PLBD1: variants seen among roughly 807,000 people sequenced by gnomAD.
PLBD1 encodes phospholipase B domain containing 1.
In PLBD1, 60 loss-of-function variants were observed where a neutral mutation model predicts 63.0. The observed-to-expected ratio is 0.95, with a 90% CI of 0.77 to 1.18. The LOEUF is 1.18. Among genes scored for constraint, PLBD1 ranks in the 50% most tolerant of loss-of-function variants. The probability of loss-of-function intolerance (pLI) is 0.00; values close to 1 mark genes in which losing one functional copy is unlikely to be tolerated. For synonymous variants in PLBD1, 262 were observed against 248.0 expected (o/e 1.06, Z -0.53); for missense variants, 598 against 677.9 (o/e 0.88, Z 1.31).
rs1284424775 is a variant in PLBD1, at chr12:14,536,686, A to G, written c.583T>C (p.Phe195Leu). The change falls in exon 5 of 11, where the codon TTC (phenylalanine) becomes CTC (leucine). Residue 195 changes from phenylalanine (F) to leucine (L), a missense_variant. Coordinates refer to ENST00000240617, the MANE Select transcript of PLBD1 (RefSeq NM_024829.6). Reference protein sequence around the residue: ...TKPMTLFQIQFLNSVGDLLDL... With the variant: ...TKPMTLFQIQLLNSVGDLLDL... ...AATAGATCTCCAACACTATTCAGGAACTGAATCTGGAACAGGGTCATTGGC... is the reference window on the plus strand; with the variant it reads ...AATAGATCTCCAACACTATTCAGGAGCTGAATCTGGAACAGGGTCATTGGC... 2.5e-6 allele frequency: 4 copies of G among 1,614,142 alleles called. No individual in the cohort carries two copies. In the South Asian group the frequency reaches 4.4e-5, roughly 18 times the overall value.
intron 3 of PLBD1, 27 bp downstream of exon 3, chr12:14,542,181 T>C (rs1422253615): frequency 1.1e-5 from 17 of 1,547,898 alleles, no homozygotes; most frequent in Admixed American, 1.7e-5. Flanking sequence ...TTTAAAACAA[T>C]GAAAAGAGAA....
intron 2 of PLBD1, among the ~76,000 whole-genome samples, chr12:14,551,568 T>G (rs1945659974): frequency 6.6e-6 from 1 of 152,140 alleles, no homozygotes; most frequent in Non-Finnish European, 1.5e-5. Flanking sequence ...TTCTGAGACA[T>G]AAGAATATCA....
intron 2 of PLBD1, among the ~76,000 whole-genome samples, chr12:14,552,358 G>A (rs1214868019): frequency 2.6e-5 from 4 of 152,182 alleles, no homozygotes; most frequent in Non-Finnish European, 4.4e-5. Context: ...ATAAGGCAAG[G>A]CAAGGACACT....
At chr12:14,511,171 CCA>C in intron 8 of PLBD1, 87 bp downstream of exon 8, 1 of 1,192,944 alleles carries the variant, frequency 8.4e-7, no homozygotes, top group Non-Finnish European at 1.2e-6. Context: ...CCCTCCCCCA[CCA>C]CACATTCACA....
intron 5 of PLBD1, chr12:14,536,224 G>A: frequency 4.6e-5 from 11 of 237,272 alleles, no homozygotes; most frequent in East Asian, 1.1e-4. Flanking sequence ...GCTTGAACCT[G>A]GGAGGCAGAG....
chr12:14,539,678 C>A (rs1318804696), intron 4 of PLBD1, among the ~76,000 whole-genome samples: 1 of 150,628 alleles, frequency 6.6e-6, no homozygotes, highest in Non-Finnish European at 1.5e-5. Flanking sequence ...CCCAGCTACT[C>A]GGGAGGATGA....
At position 14,561,618 on chromosome 12, in the gene PLBD1, G is replaced by A. The variant is rs190032923; in HGVS notation, c.115+5964C>T. ...TGCCAAGGCTGGAATGCAATGGCACGGTCTCGGCTCACCGCAACCTCCGCA... is the reference window on the plus strand; with the variant it reads ...TGCCAAGGCTGGAATGCAATGGCACAGTCTCGGCTCACCGCAACCTCCGCA... On this transcript the variant is annotated intron_variant, in intron 1 of 10. Coordinates refer to ENST00000240617, the MANE Select transcript of PLBD1 (RefSeq NM_024829.6). Among the ~76,000 whole-genome samples, 597 of 152,234 alleles carry A rather than the reference G, an allele frequency of 3.9e-3. 2 individuals carry two copies. The highest frequency in any genetic ancestry group is 6.4e-3 in the Non-Finnish European group (436 of 68,030).
chr12:14,519,637 A>T (rs1398301072), intron 6 of PLBD1, among the ~76,000 whole-genome samples: 1 of 149,838 alleles, frequency 6.7e-6, no homozygotes, highest in African/African-American at 2.5e-5. Flanking sequence ...AAAAAAAAAA[A>T]GGAGGAAGTG....
rs57220320 is a variant in PLBD1, at chr12:14,525,725, A to ACACGCACACACACTT, written c.844+9933_844+9934insAAGTGTGTGTGCGTG. ...CACACACACACACACGCACACACACACTTGTTTTAATTTTTTAAAAGACAG... is the reference window on the plus strand; with the variant it reads ...CACACACACACACACGCACACACACACACGCACACACACTTCTTGTTTTAATTTTTTAAAAGACAG... On this transcript the variant is annotated intron_variant, in intron 6 of 10. Transcript: ENST00000240617. Among the ~76,000 whole-genome samples, 75 of 151,870 alleles carry ACACGCACACACACTT rather than the reference A, an allele frequency of 4.9e-4. 1 individual carries two copies. Among genetic ancestry groups the ACACGCACACACACTT allele is most frequent in the African/African-American group, 1.7e-3 (69 of 41,210 alleles).
chr12:14,559,101 C>T (rs1945728145), intron 1 of PLBD1, among the ~76,000 whole-genome samples: 1 of 152,084 alleles, frequency 6.6e-6, no homozygotes, highest in Admixed American at 6.6e-5. Flanking sequence ...TTATACTTTT[C>T]CATTTTTTAA....
At chr12:14,511,190 G>T (rs533474389) in intron 8 of PLBD1, 70 bp downstream of exon 8, 26 of 1,060,460 alleles carry the variant, frequency 2.5e-5, no homozygotes, top group Non-Finnish European at 2.5e-5. Flanking sequence ...CACACAATGT[G>T]CATTCCCCTA....
At position 14,553,348 on chromosome 12, in the gene PLBD1, C is replaced by T. The variant is rs1255243629; in HGVS notation, c.180G>A (p.Met60Ile). 1 of 1,614,074 alleles carries T rather than the reference C, an allele frequency of 6.2e-7. No individual in the cohort carries two copies. Among genetic ancestry groups the T allele is most frequent in the Non-Finnish European group, 8.5e-7 (1 of 1,180,038 alleles). ...AEKTVQVKNV[M>I]DKNGDAYGFY... ...AGCCATAGGCGTCCCCATTCTTGTC[C>T]ATTACATTTTTGACTTGTACTGTCT... Residue 60 changes from methionine (M) to isoleucine (I), a missense_variant, in exon 2 of 11, where the codon ATG (methionine) becomes ATA (isoleucine). Met to Ile is a conservative substitution (Grantham distance 10). Coordinates refer to ENST00000240617, the MANE Select transcript of PLBD1 (RefSeq NM_024829.6).
In PLBD1 at chr12:14,506,172, T is replaced by C. The variant is rs1945253607; in HGVS notation, c.1469A>G (p.Tyr490Cys). 6.2e-7 allele frequency: 1 copy of C among 1,606,298 alleles called. No homozygotes were observed. Among genetic ancestry groups the C allele is most frequent in the Non-Finnish European group, 8.5e-7 (1 of 1,174,686 alleles). Residue 490 changes from tyrosine to cysteine, a missense_variant, in exon 10 of 11, where the codon TAT becomes TGT. Transcript: ENST00000240617. ...CCAATAGCATGTTACCTTTGTGTCATAACAACCTCCAGGACTTGGGTTAGG... is the reference window on the plus strand; with the variant it reads ...CCAATAGCATGTTACCTTTGTGTCACAACAACCTCCAGGACTTGGGTTAGG... The part of the protein sequence containing the change: ...NSPNPSPGGC[Y>C]DTKVADIYLA...
rs775450104 is a variant in PLBD1 at position 14,533,558 on chromosome 12, T to C, written c.844+2101A>G. 5.6e-4 allele frequency among the ~76,000 whole-genome samples: 86 copies of C among 152,224 alleles called. 1 individual carries two copies. Among genetic ancestry groups the C allele is most frequent in the Non-Finnish European group, 1.8e-4 (12 of 68,030 alleles). On this transcript the variant is annotated intron_variant, in intron 6 of 10. Coordinates refer to ENST00000240617, the MANE Select transcript of PLBD1 (RefSeq NM_024829.6). ...GGACTGTTAACACTACTGGAGAGCATTGTATTCCACAGAGATTTCAAAGCA... is the reference window on the plus strand; with the variant it reads ...GGACTGTTAACACTACTGGAGAGCACTGTATTCCACAGAGATTTCAAAGCA...
intron 6 of PLBD1, among the ~76,000 whole-genome samples, chr12:14,515,033 T>G (rs1211987085): frequency 2.0e-5 from 3 of 152,080 alleles, no homozygotes; most frequent in Non-Finnish European, 4.4e-5. Flanking sequence ...AAAGAAACAC[T>G]TCCGGTTAAT....
At chr12:14,560,591 CT>C (rs1945737302) in intron 1 of PLBD1, among the ~76,000 whole-genome samples, 1 of 152,168 alleles carries the variant, frequency 6.6e-6, no homozygotes. Flanking sequence ...TGAAAGGTCT[CT>C]CAGTAAATTG....
At position 14,544,857 on chromosome 12, in the gene PLBD1, C is replaced by T. The variant is rs538581902; in HGVS notation, c.336-2566G>A. Among the ~76,000 whole-genome samples, 9 of 152,266 alleles carry T rather than the reference C, an allele frequency of 5.9e-5. No homozygotes were observed. The East Asian group carries it at 1.5e-3, about 26-fold the overall frequency. On this transcript the variant is annotated intron_variant, in intron 2 of 10. Transcript: ENST00000240617. ...TCTCCAAGTTTTCTTTCATTTATAA[C>T]TTAAAGCACCCTATGCAAATTTAAA...
chr12:14,553,644 C>G (rs1187600262), intron 1 of PLBD1: 4 of 572,066 alleles, frequency 7.0e-6, no homozygotes, highest in Non-Finnish European at 1.2e-5. Context: ...GGGGGTGTAG[C>G]TACAGCATCA....
rs1049636937 is a variant in PLBD1 at position 14,512,285 on chromosome 12, G to A, written c.845-574C>T. Reference sequence around the variant, plus strand: ...TGCCTCAGCCTCCTGAGTAGCTGGGGTTACAGGTGTGCACCACCACACCTG... The same window carrying A: ...TGCCTCAGCCTCCTGAGTAGCTGGGATTACAGGTGTGCACCACCACACCTG... On this transcript the variant is annotated intron_variant, in intron 6 of 10. Coordinates refer to ENST00000240617, the MANE Select transcript of PLBD1 (RefSeq NM_024829.6). 6.6e-5 allele frequency among the ~76,000 whole-genome samples: 10 copies of A among 151,754 alleles called. No individual in the cohort carries two copies. The East Asian group carries it at 1.9e-3, about 29-fold the overall frequency.
Sources: gnomAD v4.1 joint callset for allele counts (sites outside exome capture counted in the v4.1 genomes callset) on GRCh38, gnomAD v4.1.1 for gene constraint, MANE v1.5 for transcripts, NCBI Gene and HGNC (gene_info 2026-07-23, HGNC 2026-07-21) for gene names.